The following ATP2B1 variants were observed in gnomAD, a reference collection of about 807,000 sequenced individuals.
ATP2B1 encodes plasma membrane calcium-transporting ATPase 1.
In ATP2B1, 14 loss-of-function variants were observed where a neutral mutation model predicts 124.2. That is an observed-to-expected ratio of 0.11 (90% CI 0.07 to 0.18). The LOEUF (loss-of-function observed/expected upper bound fraction) is 0.18. Among genes scored for constraint, ATP2B1 ranks in the 10% least tolerant of loss-of-function variants. The probability of loss-of-function intolerance (pLI) is 1.00; values close to 1 mark genes in which losing one functional copy is unlikely to be tolerated. For missense variants in ATP2B1, 763 were observed against 1,466.1 expected, an observed-to-expected ratio of 0.52 and a Z score of 7.83; for synonymous variants, 449 against 492.4, an observed-to-expected ratio of 0.91 and a Z score of 1.17.
chr12:89,596,236 T>G (rs957270412), intron 20 of ATP2B1, among the ~76,000 whole-genome samples: 3 of 152,038 alleles, frequency 2.0e-5, no homozygotes, highest in African/African-American at 7.2e-5. Flanking sequence ...GGATACACAT[T>G]ACCCATGAGA....
chr12:89,689,104 G>A (rs766689623), intron 1 of ATP2B1, among the ~76,000 whole-genome samples: 2 of 152,008 alleles, frequency 1.3e-5, no homozygotes, highest in Non-Finnish European at 2.9e-5. Flanking sequence ...CTCTTTAGAC[G>A]TTGTTTTCAA....
chr12:89,696,977 G>A (rs1338007531), intron 1 of ATP2B1, among the ~76,000 whole-genome samples: 1 of 142,510 alleles, frequency 7.0e-6, no homozygotes, highest in Admixed American at 7.2e-5. Flanking sequence ...GTTAACAAAA[G>A]AACATTAGTT....
intron 1 of ATP2B1, among the ~76,000 whole-genome samples, chr12:89,706,979 A>G (rs1388444725): frequency 6.6e-6 from 1 of 151,866 alleles, no homozygotes; most frequent in East Asian, 1.9e-4. Context: ...TCATAGCTAA[A>G]TAAGCCCATT....
rs12297540 is a variant in ATP2B1 at position 89,678,667 on chromosome 12, A to T, written c.-221-22560T>A. Among the ~76,000 whole-genome samples the T allele has an allele frequency of 8.2e-3, 1,252 of 152,318 alleles. 15 individuals carry two copies. Among genetic ancestry groups the T allele is most frequent in the African/African-American group, 0.029 (1,200 of 41,582 alleles). ...TTTTGCATGTGTCTTACTAACAAAA[A>T]TCAAGACTTGCCTTAAGAAGCAATT... On this transcript the variant is annotated intron_variant, in intron 1 of 20. Transcript: ENST00000428670.
intron 8 of ATP2B1, among the ~76,000 whole-genome samples, chr12:89,625,896 C>CA (rs575485061): frequency 6.6e-6 from 1 of 152,180 alleles, no homozygotes; most frequent in Non-Finnish European, 1.5e-5. Flanking sequence ...TTTATCCACA[C>CA]AGTGTTCTTC....
At chr12:89,672,136 C>G (rs1379418527) in intron 1 of ATP2B1, among the ~76,000 whole-genome samples, 1 of 152,172 alleles carries the variant, frequency 6.6e-6, no homozygotes, top group East Asian at 1.9e-4. Context: ...CTCTATCTCC[C>G]TTGGTTTCAT....
intron 1 of ATP2B1, among the ~76,000 whole-genome samples, chr12:89,695,382 G>T (rs1367827232): frequency 1.3e-5 from 2 of 151,942 alleles, no homozygotes; most frequent in East Asian, 3.9e-4. Flanking sequence ...GGTCACAGTT[G>T]TTACGGTCTA....
intron 2 of ATP2B1, among the ~76,000 whole-genome samples, chr12:89,643,231 T>C (rs1300251505): frequency 6.6e-6 from 1 of 150,462 alleles, no homozygotes. Flanking sequence ...TGTATATACG[T>C]ATATATATGT....
chr12:89,662,458 T>C (rs1376412026), intron 1 of ATP2B1, among the ~76,000 whole-genome samples: 1 of 152,182 alleles, frequency 6.6e-6, no homozygotes, highest in Non-Finnish European at 1.5e-5. Context: ...ATTATTTCAT[T>C]AAAATGCTTT....
intron 1 of ATP2B1, among the ~76,000 whole-genome samples, chr12:89,697,064 CAAAAAAAAAA>C (rs59301153): frequency 5.3e-5 from 6 of 114,244 alleles, no homozygotes; most frequent in African/African-American, 2.0e-4. Context: ...CTACTTCCTT[CAAAAAAAAAA>C]AAAAAAAAAG....
At chr12:89,682,693 C>T (rs548989232) in intron 1 of ATP2B1, among the ~76,000 whole-genome samples, 4 of 152,144 alleles carry the variant, frequency 2.6e-5, no homozygotes, top group Non-Finnish European at 4.4e-5. Flanking sequence ...TCTTATACCA[C>T]ATCAGAATAA....
At chr12:89,609,682 ACAGAATACAAAGC>A (rs1161229996) in intron 15 of ATP2B1, among the ~76,000 whole-genome samples, 2 of 152,234 alleles carry the variant, frequency 1.3e-5, no homozygotes, top group African/African-American at 2.4e-5. Context: ...TAAAAAATTA[ACAGAATACAAAGC>A]CAACATACAA....
rs144627388 is a variant in ATP2B1, at chr12:89,616,936, A to G, written c.1933T>C (p.Leu645=). ...TVIEPMASEG[L]RTICLAFRDF... ...CTGAATGCAAGACATATGGTTCTCA[A>G]GCCTTCTGATGCCATCGGTTCAATC... The change falls in exon 12 of 21, where the codon TTG becomes CTG. Residue 645 remains leucine, a synonymous_variant. Coordinates refer to ENST00000428670, the MANE Select transcript of ATP2B1 (RefSeq NM_001366521.1). 80 of 1,614,126 alleles carry G rather than the reference A, an allele frequency of 5.0e-5. No individual in the cohort carries two copies. The African/African-American group carries it at 1.1e-3, about 21-fold the overall frequency.
At chr12:89,701,748 G>A (rs1039107886) in intron 1 of ATP2B1, among the ~76,000 whole-genome samples, 3 of 152,076 alleles carry the variant, frequency 2.0e-5, no homozygotes, top group Admixed American at 2.0e-4. Flanking sequence ...GTTCTTTGCT[G>A]TGTCACCCAG....
chr12:89,662,258 G>A (rs1035123592), intron 1 of ATP2B1, among the ~76,000 whole-genome samples: 1 of 151,038 alleles, frequency 6.6e-6, no homozygotes, highest in Non-Finnish European at 1.5e-5. Flanking sequence ...CCTTTTACCC[G>A]ATTCACACCC....
At chr12:89,699,201 C>T (rs1891529976) in intron 1 of ATP2B1, among the ~76,000 whole-genome samples, 1 of 152,074 alleles carries the variant, frequency 6.6e-6, no homozygotes. Context: ...TAAGTCAACG[C>T]CTTCTAAAAT....
At chr12:89,652,515 T>C (rs1592869418) in intron 2 of ATP2B1, among the ~76,000 whole-genome samples, 1 of 152,242 alleles carries the variant, frequency 6.6e-6, no homozygotes, top group African/African-American at 2.4e-5. Flanking sequence ...TAATTCTCAC[T>C]TTCCCTGACT....
intron 1 of ATP2B1, among the ~76,000 whole-genome samples, chr12:89,695,064 A>AAAAAAAG (rs1429753901): frequency 6.7e-6 from 1 of 149,282 alleles, no homozygotes; most frequent in African/African-American, 2.4e-5. Flanking sequence ...GTTTCAAAAA[A>AAAAAAAG]AAAAAAAGAA....
chr12:89,656,946 GGTAGACACTCA>G (rs1278486926), intron 1 of ATP2B1, among the ~76,000 whole-genome samples: 1 of 152,116 alleles, frequency 6.6e-6, no homozygotes, highest in Non-Finnish European at 1.5e-5. Flanking sequence ...CCAGACACAT[GGTAGACACTCA>G]GTAAAAGTTT....
Sources: gnomAD v4.1 joint callset for allele counts (sites outside exome capture counted in the v4.1 genomes callset) on GRCh38, gnomAD v4.1.1 for gene constraint, MANE v1.5 for transcripts, NCBI Gene and HGNC (gene_info 2026-07-23, HGNC 2026-07-21) for gene names.